PDE1C: variants seen among roughly 807,000 people sequenced by gnomAD.
The protein encoded by PDE1C is dual specificity calcium/calmodulin-dependent 3',5'-cyclic nucleotide phosphodiesterase 1C.
PDE1C carries 62 observed loss-of-function variants against 93.1 expected under a neutral mutation model. The observed-to-expected ratio is 0.67, with a 90% CI of 0.54 to 0.82. The LOEUF is 0.82. Among genes scored for constraint, PDE1C ranks in the 40% least tolerant of loss-of-function variants. The pLI is 0.00. For synonymous variants in PDE1C, 325 were observed against 310.1 expected (o/e 1.05, Z -0.50); for missense variants, 742 against 884.6 (o/e 0.84, Z 2.04).
chr7:32,268,786 C>T (rs10226392), intron 1 of PDE1C, among the ~76,000 whole-genome samples: 6,088 of 152,204 alleles, frequency 0.04, 444 homozygotes, highest in African/African-American at 0.14. Flanking sequence ...TTTTCACTAG[C>T]TAATAGCATT....
chr7:31,990,989 GCTCCTCAGTCCTCTTA>G (rs1784078315), intron 2 of PDE1C, among the ~76,000 whole-genome samples: 1 of 152,106 alleles, frequency 6.6e-6, no homozygotes, highest in African/African-American at 2.4e-5. Context: ...AAGGTTTCTA[GCTCCTCAGTCCTCTTA>G]CTTGACTAAT....
intron 16 of PDE1C, among the ~76,000 whole-genome samples, chr7:31,803,220 T>C (rs1193517652): frequency 6.6e-6 from 1 of 151,772 alleles, no homozygotes; most frequent in Non-Finnish European, 1.5e-5. Context: ...ACATTTCTCA[T>C]ATCAGATATT....
intron 5 of PDE1C, 99 bp downstream of exon 5, chr7:31,877,871 A>G (rs996452730): frequency 3.5e-5 from 25 of 722,304 alleles, no homozygotes; most frequent in Non-Finnish European, 5.3e-5. Flanking sequence ...GAATAACTGG[A>G]AAAGTAACTG....
At chr7:32,145,525 T>C (rs1800785787) in intron 3 of PDE1C, among the ~76,000 whole-genome samples, 1 of 152,190 alleles carries the variant, frequency 6.6e-6, no homozygotes, top group South Asian at 2.1e-4. Flanking sequence ...TTTTCACATC[T>C]ACTTATTAAT....
chr7:31,899,375 T>C (rs1299442957), intron 2 of PDE1C, among the ~76,000 whole-genome samples: 1 of 152,012 alleles, frequency 6.6e-6, no homozygotes, highest in Non-Finnish European at 1.5e-5. Context: ...CCTGACCTCA[T>C]GATCCACCCT....
At chr7:31,651,961 ACGTTACGTGAGGCC>A in the PDE1C span, 1 of 1,601,172 alleles carries the variant, frequency 6.2e-7, no homozygotes, top group East Asian at 2.3e-5. Flanking sequence ...GCAACTGCAA[ACGTTACGTGAGGCC>A]CTGAGGCAGC....
rs186188676 is a variant in PDE1C, at chr7:32,080,319, T to C, written c.308+89466A>G. Among the ~76,000 whole-genome samples the C allele has an allele frequency of 5.3e-5, 8 of 152,252 alleles. No individual in the cohort carries two copies. In the East Asian group the frequency reaches 1.5e-3, roughly 29 times the overall value. The stretch of plus-strand genomic sequence containing the variant: ...GACCTTCCCTCCAACCCCCTATGCC[T>C]AACATACCAATTGACCAATGACCAA... On this transcript the variant is annotated intron_variant, in intron 3 of 18. Coordinates refer to the PDE1C transcript ENST00000396193.
intron 17 of PDE1C, among the ~76,000 whole-genome samples, chr7:31,754,692 A>C (rs1192755562): frequency 1.3e-5 from 2 of 152,218 alleles, no homozygotes; most frequent in African/African-American, 2.4e-5. Context: ...AAAGGACATA[A>C]CTATAGAGAT....
chr7:31,824,787 T>TC (rs1273601162), intron 13 of PDE1C, 80 bp downstream of exon 13: 80 of 1,552,468 alleles, frequency 5.2e-5, no homozygotes, highest in Admixed American at 8.7e-5. Flanking sequence ...TGAAATACCA[T>TC]CCCCATCCCC....
chr7:32,030,060 C>T (rs568390325), intron 2 of PDE1C, among the ~76,000 whole-genome samples: 2 of 148,052 alleles, frequency 1.4e-5, no homozygotes, highest in East Asian at 4.1e-4. Context: ...AAGCAAGTTG[C>T]TGAAAAATGC....
chr7:32,398,305 A>AG (rs1279129427), intron 1 of PDE1C, among the ~76,000 whole-genome samples: 1 of 151,034 alleles, frequency 6.6e-6, no homozygotes, highest in African/African-American at 2.4e-5. Flanking sequence ...TCCGTCTCAA[A>AG]AAAAAAAAAA....
At chr7:31,978,424 T>C (rs184948669) in intron 2 of PDE1C, among the ~76,000 whole-genome samples, 1 of 152,280 alleles carries the variant, frequency 6.6e-6, no homozygotes, top group East Asian at 1.9e-4. Flanking sequence ...AAATTGGTCT[T>C]TTCAGAAAGC....
At chr7:31,651,956 T>A in the PDE1C span, 1 of 1,599,248 alleles carries the variant, frequency 6.3e-7, no homozygotes, top group Non-Finnish European at 8.5e-7. Context: ...GCCGAGCAAC[T>A]GCAAACGTTA....
intron 2 of PDE1C, among the ~76,000 whole-genome samples, chr7:31,940,670 C>G (rs1386429258): frequency 2.7e-5 from 4 of 147,898 alleles, no homozygotes; most frequent in Non-Finnish European, 5.9e-5. Flanking sequence ...GGCAACAAGC[C>G]CCCTGTGTCT....
intron 2 of PDE1C, among the ~76,000 whole-genome samples, chr7:32,207,293 G>C (rs1174713923): frequency 1.3e-5 from 2 of 150,840 alleles, no homozygotes; most frequent in African/African-American, 4.9e-5. Flanking sequence ...AACGCACACT[G>C]TCAAGGCTGT....
At chr7:31,800,317 A>G (rs1333156164) in intron 16 of PDE1C, among the ~76,000 whole-genome samples, 1 of 151,548 alleles carries the variant, frequency 6.6e-6, no homozygotes, top group Non-Finnish European at 1.5e-5. Flanking sequence ...ATCTTTGCTT[A>G]ACCCAAGATC....
chr7:31,626,078 C>T, the PDE1C span, among the ~76,000 whole-genome samples: 3 of 152,072 alleles, frequency 2.0e-5, no homozygotes, highest in African/African-American at 4.8e-5. Context: ...AAAGAACAGA[C>T]AGAAGTTCAA....
At chr7:32,172,189 G>A (rs1194167463) in intron 2 of PDE1C, among the ~76,000 whole-genome samples, 2 of 151,890 alleles carry the variant, frequency 1.3e-5, no homozygotes, top group Non-Finnish European at 2.9e-5. Flanking sequence ...TTCTGGTTAT[G>A]TCTACCCAGA....
chr7:32,167,320 G>T (rs186875665), intron 3 of PDE1C, among the ~76,000 whole-genome samples: 3 of 152,052 alleles, frequency 2.0e-5, no homozygotes, highest in Admixed American at 2.0e-4. Flanking sequence ...AAAGATTTCC[G>T]GGAAAAGTGG....
Sources: allele counts gnomAD v4.1 joint callset (sites outside exome capture counted in the v4.1 genomes callset), GRCh38; gene constraint gnomAD v4.1.1; transcripts MANE v1.5; gene names NCBI Gene and HGNC (gene_info 2026-07-23, HGNC 2026-07-21).